Variants in ATG10 observed in about 807,000 individuals in gnomAD.
ATG10 encodes autophagy related 10.
A neutral mutation model predicts 32.1 loss-of-function variants in ATG10; 30 were observed. The ratio of observed to expected loss-of-function variants is 0.94; its 90% CI spans 0.70 to 1.27. The LOEUF (loss-of-function observed/expected upper bound fraction) is 1.27, where lower values mean the gene tolerates loss of function less well. ATG10 is among the 50% of genes most tolerant of loss of function. The probability of loss-of-function intolerance (pLI) is 0.00; values close to 1 mark genes in which losing one functional copy is unlikely to be tolerated. For missense variants in ATG10, 233 were observed against 262.3 expected, an observed-to-expected ratio of 0.89 and a Z score of 0.77; for synonymous variants, 87 against 91.5, an observed-to-expected ratio of 0.95 and a Z score of 0.28.
chr5:82,195,738 A>T (rs1183314318), intron 5 of ATG10, among the ~76,000 whole-genome samples: 5 of 152,216 alleles, frequency 3.3e-5, no homozygotes, highest in Admixed American at 3.3e-4. Flanking sequence ...GCTGAGTAAC[A>T]TTCCATTATA....
At chr5:82,109,566 T>G (rs892308169) in intron 3 of ATG10, among the ~76,000 whole-genome samples, 1 of 151,948 alleles carries the variant, frequency 6.6e-6, no homozygotes, top group Non-Finnish European at 1.5e-5. Context: ...CTTTATTACT[T>G]TTTATTTGAT....
intron 2 of ATG10, among the ~76,000 whole-genome samples, chr5:82,050,184 T>C (rs1763366444): frequency 6.6e-6 from 1 of 152,126 alleles, no homozygotes; most frequent in Admixed American, 6.5e-5. Context: ...AATTACCTTA[T>C]TATTTATAAT....
At chr5:82,216,962 G>A (rs1470124788) in intron 5 of ATG10, among the ~76,000 whole-genome samples, 1 of 152,030 alleles carries the variant, frequency 6.6e-6, no homozygotes, top group Non-Finnish European at 1.5e-5. Context: ...GGCTGAGGCA[G>A]GAGAATCACT....
At chr5:82,138,836 GCTCTCC>G (rs1185430705) in intron 3 of ATG10, among the ~76,000 whole-genome samples, 5 of 74,260 alleles carry the variant, frequency 6.7e-5, no homozygotes, top group Admixed American at 1.7e-4. Flanking sequence ...TGAAAGTCGA[GCTCTCC>G]CTCCCCCTCC....
intron 3 of ATG10, among the ~76,000 whole-genome samples, chr5:82,072,421 G>A (rs902347151): frequency 2.6e-5 from 4 of 152,186 alleles, no homozygotes; most frequent in East Asian, 1.9e-4. Context: ...TCAGCTGCTC[G>A]TTCCTTCAGT....
chr5:82,217,595 C>A (rs888345668), intron 5 of ATG10, among the ~76,000 whole-genome samples: 2 of 149,778 alleles, frequency 1.3e-5, no homozygotes, highest in Admixed American at 6.6e-5. Flanking sequence ...ACACACACAC[C>A]CATATACATA....
chr5:82,091,278 C>T (rs182730477), intron 3 of ATG10, among the ~76,000 whole-genome samples: 21 of 152,116 alleles, frequency 1.4e-4, no homozygotes, highest in Admixed American at 1.2e-3. Flanking sequence ...CTGTGTTGTC[C>T]AGGCTGGACT....
chr5:81,984,120 A>G (rs997246587), intron 1 of ATG10, among the ~76,000 whole-genome samples: 1 of 152,166 alleles, frequency 6.6e-6, no homozygotes, highest in Non-Finnish European at 1.5e-5. Context: ...ACGCCACTGC[A>G]CTCCAGCCTG....
intron 5 of ATG10, among the ~76,000 whole-genome samples, chr5:82,230,732 CAAAAAAAAAAAA>C (rs397881697): frequency 3.4e-5 from 2 of 58,806 alleles, no homozygotes; most frequent in African/African-American, 6.3e-5. Context: ...GACTCCGTCT[CAAAAAAAAAAAA>C]AAAAAAAAAA....
intron 2 of ATG10, among the ~76,000 whole-genome samples, chr5:82,025,040 A>G (rs905139753): frequency 6.6e-6 from 1 of 152,238 alleles, no homozygotes; most frequent in Non-Finnish European, 1.5e-5. Context: ...TTGGACTGCC[A>G]TGGGGCATTA....
At chr5:82,064,080 G>A (rs1463102392) in intron 3 of ATG10, among the ~76,000 whole-genome samples, 1 of 152,142 alleles carries the variant, frequency 6.6e-6, no homozygotes, top group Admixed American at 6.5e-5. Flanking sequence ...ATCAAATTTA[G>A]CTGTAAGTGA....
intron 3 of ATG10, among the ~76,000 whole-genome samples, chr5:82,118,384 G>GTAAATATATATATATATATATATATA (rs1347264600): frequency 5.3e-5 from 1 of 18,776 alleles, no homozygotes; most frequent in African/African-American, 2.7e-4. Context: ...TATAATATAT[G>GTAAATATATATATATATATATATATA]TACATATATA....
chr5:82,246,066 C>T (rs1747017632), intron 5 of ATG10, among the ~76,000 whole-genome samples: 1 of 136,800 alleles, frequency 7.3e-6, no homozygotes, highest in Admixed American at 8.6e-5. Flanking sequence ...CAACTTAATA[C>T]TGACCTTTTT....
intron 5 of ATG10, among the ~76,000 whole-genome samples, chr5:82,188,932 C>G (rs183202642): frequency 6.6e-6 from 1 of 152,100 alleles, no homozygotes; most frequent in Non-Finnish European, 1.5e-5. Flanking sequence ...CTCTGGTTCT[C>G]TCCCATGTCA....
chr5:82,245,374 C>T (rs9293296), intron 5 of ATG10, among the ~76,000 whole-genome samples: 2,294 of 152,216 alleles, frequency 0.015, 38 homozygotes, highest in African/African-American at 0.051. Context: ...TTGTCTGCAC[C>T]GTTAACATGC....
chr5:82,027,538 G>A (rs978087052), intron 2 of ATG10, among the ~76,000 whole-genome samples: 3 of 152,062 alleles, frequency 2.0e-5, no homozygotes, highest in Non-Finnish European at 4.4e-5. Flanking sequence ...TTTTGATGAA[G>A]TTTGTTTTAA....
chr5:81,982,839 G>C (rs1051837785), intron 1 of ATG10, among the ~76,000 whole-genome samples: 14 of 152,192 alleles, frequency 9.2e-5, no homozygotes, highest in Admixed American at 3.3e-4. Flanking sequence ...ATTTAACCCC[G>C]AGTGGACACA....
intron 2 of ATG10, among the ~76,000 whole-genome samples, chr5:82,001,546 G>A (rs796887067): frequency 3.9e-5 from 6 of 152,222 alleles, no homozygotes; most frequent in African/African-American, 1.4e-4. Context: ...ACAAGCAATA[G>A]GGAAAGGACT....
At chr5:82,139,078 G>C (rs372122720) in intron 3 of ATG10, among the ~76,000 whole-genome samples, 1 of 148,596 alleles carries the variant, frequency 6.7e-6, no homozygotes, top group East Asian at 2.0e-4. Flanking sequence ...CCCTAACCGC[G>C]AGTGATCCGC....
Sources: gnomAD v4.1 joint callset for allele counts (sites outside exome capture counted in the v4.1 genomes callset) on GRCh38, gnomAD v4.1.1 for gene constraint, MANE v1.5 for transcripts, NCBI Gene and HGNC (gene_info 2026-07-23, HGNC 2026-07-21) for gene names.